The following PDE3A variants were observed in gnomAD, a reference collection of about 807,000 sequenced individuals.
The protein encoded by PDE3A is phosphodiesterase 3A, also known as cGMP-inhibited 3',5'-cyclic phosphodiesterase 3A.
Under a neutral mutation model 98.3 loss-of-function variants are expected in PDE3A, and 43 were observed. The ratio of observed to expected loss-of-function variants is 0.44; its 90% CI spans 0.34 to 0.56. The LOEUF (loss-of-function observed/expected upper bound fraction) is 0.56, where lower values mean the gene tolerates loss of function less well. PDE3A is among the 20% of genes least tolerant of loss of function. The pLI, the probability that PDE3A is intolerant of heterozygous loss-of-function variation, is 0.01. For synonymous variants in PDE3A, 663 were observed against 567.9 expected (o/e 1.17, Z -2.38); for missense variants, 1,427 against 1,440.7 (o/e 0.99, Z 0.15).
At chr12:20,595,808 G>T (rs1943453165) in intron 2 of PDE3A, among the ~76,000 whole-genome samples, 1 of 152,028 alleles carries the variant, frequency 6.6e-6, no homozygotes, top group African/African-American at 2.4e-5. Flanking sequence ...TTAAGATAAA[G>T]CTTTGCTTAT....
chr12:20,600,346 A>G (rs1943561126), intron 2 of PDE3A, among the ~76,000 whole-genome samples: 1 of 152,108 alleles, frequency 6.6e-6, no homozygotes, highest in Non-Finnish European at 1.5e-5. Context: ...CCAAACCTTC[A>G]TCCTGAAAGC....
intron 14 of PDE3A, among the ~76,000 whole-genome samples, chr12:20,651,231 G>A (rs552288286): frequency 1.9e-3 from 291 of 152,236 alleles, no homozygotes; most frequent in Non-Finnish European, 3.3e-3. Context: ...TAAGCTGGGG[G>A]TGATCCTCCT....
intron 1 of PDE3A, among the ~76,000 whole-genome samples, chr12:20,477,535 G>A (rs1056040801): frequency 6.6e-6 from 1 of 152,066 alleles, no homozygotes; most frequent in Non-Finnish European, 1.5e-5. Flanking sequence ...AAAATGTTAA[G>A]GCCGTAAGTC....
At chr12:20,501,020 G>A (rs1333627861) in intron 1 of PDE3A, among the ~76,000 whole-genome samples, 1 of 151,954 alleles carries the variant, frequency 6.6e-6, no homozygotes. Flanking sequence ...TGCCCACCTC[G>A]GTCTCCCAAA....
rs138433523 is a variant in PDE3A, at chr12:20,408,203, G to A, written c.960+37959G>A. Among the ~76,000 whole-genome samples, 495 of 152,238 alleles carry A rather than the reference G, an allele frequency of 3.3e-3. 5 individuals carry two copies. The East Asian group carries it at 0.055, about 17-fold the overall frequency. On this transcript the variant is annotated intron_variant, in intron 1 of 15. Transcript: ENST00000359062. ...GAAAGTGTTGGGATTACAGGCGTGA[G>A]CCACCATGCCTGGCCAATGTGTTTT...
chr12:20,561,266 G>A (rs1942512829), intron 2 of PDE3A, among the ~76,000 whole-genome samples: 1 of 151,384 alleles, frequency 6.6e-6, no homozygotes, highest in Admixed American at 6.6e-5. Context: ...AAAAAAAAAA[G>A]ATATTTCTAA....
At chr12:20,432,359 T>C (rs1402849862) in intron 1 of PDE3A, among the ~76,000 whole-genome samples, 1 of 152,158 alleles carries the variant, frequency 6.6e-6, no homozygotes, top group African/African-American at 2.4e-5. Context: ...TTATGCAAGA[T>C]GAGTAAGTTC....
At chr12:20,429,974 T>C (rs555724981) in intron 1 of PDE3A, among the ~76,000 whole-genome samples, 1 of 152,310 alleles carries the variant, frequency 6.6e-6, no homozygotes, top group South Asian at 2.1e-4. Flanking sequence ...GTTTTTAAAA[T>C]TTCTTTGTGT....
rs763487628 is a variant in PDE3A at position 20,621,344 on chromosome 12, A to T, written c.1473A>T (p.Arg491Ser). The T allele has an allele frequency of 2.5e-6, 4 of 1,612,220 alleles. No individual in the cohort carries two copies. Among genetic ancestry groups the T allele is most frequent in the East Asian group, 2.2e-5 (1 of 44,808 alleles). Reference sequence around the variant, plus strand: ...TGATGATGACCCTCACCAAAAGCAGATCCTTTACTTCATCCTATGCTATTT... The same window carrying T: ...TGATGATGACCCTCACCAAAAGCAGTTCCTTTACTTCATCCTATGCTATTT... Reference protein sequence around the residue: ...NPVMMTLTKSRSFTSSYAISA... With the variant: ...NPVMMTLTKSSSFTSSYAISA... Residue 491 changes from arginine to serine, a missense_variant, in exon 5 of 16, where the codon AGA becomes AGT. Transcript: ENST00000359062.
rs151016886 is a variant in PDE3A, at chr12:20,640,782, C to T, written c.2251+825C>T. 3.8e-3 allele frequency among the ~76,000 whole-genome samples: 577 copies of T among 151,968 alleles called. 10 individuals are homozygous for T. Among genetic ancestry groups the T allele is most frequent in the African/African-American group, 0.013 (525 of 41,444 alleles). ...GGGAGACAGTGTCTATAGGTCGAAA[C>T]AGGGAAATTGTGGAGATGTTCAAAA... is the stretch of plus-strand genomic sequence containing the variant. On this transcript the variant is annotated intron_variant, in intron 10 of 15. Transcript: ENST00000359062.
chr12:20,568,963 C>T (rs879727447), intron 2 of PDE3A, among the ~76,000 whole-genome samples: 2 of 151,904 alleles, frequency 1.3e-5, no homozygotes, highest in Non-Finnish European at 2.9e-5. Flanking sequence ...AATGTGGATA[C>T]AAGTAATAAC....
At chr12:20,491,291 A>C (rs1293056672) in intron 1 of PDE3A, among the ~76,000 whole-genome samples, 1 of 152,200 alleles carries the variant, frequency 6.6e-6, no homozygotes, top group African/African-American at 2.4e-5. Flanking sequence ...GAAGTCACAG[A>C]AACAGGCATC....
At chr12:20,579,759 A>T (rs922056397) in intron 2 of PDE3A, among the ~76,000 whole-genome samples, 21 of 152,200 alleles carry the variant, frequency 1.4e-4, no homozygotes, top group African/African-American at 4.6e-4. Flanking sequence ...AATCAGCAGT[A>T]TGTACAATGA....
chr12:20,552,628 A>T lies in PDE3A; in HGVS notation c.961-4032A>T. 3 of 1,613,862 alleles carry T rather than the reference A, an allele frequency of 1.9e-6. No homozygotes were observed. Among genetic ancestry groups the T allele is most frequent in the Non-Finnish European group, 2.5e-6 (3 of 1,179,826 alleles). On this transcript the variant is annotated intron_variant, in intron 1 of 15. Transcript: ENST00000359062. The surrounding 1 kb of genome is among the most constrained non-coding windows in gnomAD (Gnocchi z 5.1). ...GGCCGGGTCCCCGCGCCGGACATCC[A>T]AGAAAACCAAGGTGGAGCCCTACAG...
intron 1 of PDE3A, among the ~76,000 whole-genome samples, chr12:20,519,983 G>T (rs1946393638): frequency 6.6e-6 from 1 of 152,164 alleles, no homozygotes; most frequent in Admixed American, 6.5e-5. Context: ...TTTCAATGAT[G>T]ATGCAGCTGA....
At chr12:20,568,342 A>G (rs557035588) in intron 2 of PDE3A, among the ~76,000 whole-genome samples, 61 of 152,122 alleles carry the variant, frequency 4.0e-4, no homozygotes, top group African/African-American at 1.3e-3. Flanking sequence ...ATCTGGAGTG[A>G]ATTTCTGCCA....
intron 15 of PDE3A, among the ~76,000 whole-genome samples, chr12:20,662,070 C>T (rs1945184336): frequency 1.3e-5 from 2 of 152,154 alleles, no homozygotes; most frequent in Non-Finnish European, 2.9e-5. Flanking sequence ...TAGGATGCCC[C>T]TCTTTGCCTT....
rs370724575 is a variant in PDE3A at position 20,616,556 on chromosome 12, A to G, written c.1424+172A>G. Among the ~76,000 whole-genome samples, 36 of 152,312 alleles carry G rather than the reference A, an allele frequency of 2.4e-4. No individual in the cohort carries two copies. In the South Asian group the frequency reaches 7.3e-3, roughly 31 times the overall value. ...AGAGCAGTATAGGGGTTAACATCAG[A>G]TAATTAGGCTTAACATCTGTTGTGT... is the stretch of plus-strand genomic sequence containing the variant. On this transcript the variant is annotated intron_variant, in intron 4 of 15. Coordinates refer to ENST00000359062, the MANE Select transcript of PDE3A (RefSeq NM_000921.5).
intron 1 of PDE3A, among the ~76,000 whole-genome samples, chr12:20,555,075 G>A (rs962011174): frequency 4.6e-5 from 7 of 152,120 alleles, no homozygotes; most frequent in Middle Eastern, 3.4e-3. Context: ...AGGCTGGAGT[G>A]CAGTGGCGTG....
Sources: allele counts gnomAD v4.1 joint callset (sites outside exome capture counted in the v4.1 genomes callset), GRCh38; gene constraint gnomAD v4.1.1; non-coding constraint Gnocchi (gnomAD v3.1); transcripts MANE v1.5; gene names NCBI Gene and HGNC (gene_info 2026-07-23, HGNC 2026-07-21).